The following DPYS variants were observed in gnomAD, a reference collection of about 807,000 sequenced individuals.
The protein encoded by DPYS is dihydropyrimidine amidohydrolase.
DPYS carries 39 observed loss-of-function variants against 50.3 expected under a neutral mutation model. That is an observed-to-expected ratio of 0.78 (90% CI 0.60 to 1.01). The LOEUF is 1.01. Ranked by LOEUF, DPYS falls within the 50% of genes least tolerant of loss-of-function variation. DPYS has a pLI of 0.00. For synonymous variants in DPYS, 245 were observed against 250.7 expected (o/e 0.98, Z 0.22); for missense variants, 659 against 680.9 (o/e 0.97, Z 0.36).
At chr8:104,399,306 A>AAC (rs1811703922) in intron 7 of DPYS, among the ~76,000 whole-genome samples, 1 of 38,674 alleles carries the variant, frequency 2.6e-5, no homozygotes. Context: ...AAAAAAAAAA[A>AAC]AAAACAACAA....
intron 7 of DPYS, among the ~76,000 whole-genome samples, chr8:104,415,253 G>A (rs1297552627): frequency 6.6e-6 from 1 of 152,122 alleles, no homozygotes; most frequent in African/African-American, 2.4e-5. Flanking sequence ...CAGGTGCTTA[G>A]TTAGGAAAGC....
intron 8 of DPYS, among the ~76,000 whole-genome samples, chr8:104,385,930 A>G (rs1288902957): frequency 6.6e-6 from 1 of 152,204 alleles, no homozygotes; most frequent in Non-Finnish European, 1.5e-5. Context: ...TTCATTATAA[A>G]TTAACCAGCC....
intron 4 of DPYS, among the ~76,000 whole-genome samples, chr8:104,438,765 T>G (rs1194090908): frequency 6.6e-6 from 1 of 152,162 alleles, no homozygotes; most frequent in East Asian, 1.9e-4. Flanking sequence ...TTAGGGCCTC[T>G]AAGTTTCTTC....
chr8:104,399,290 C>CAAAAAAAGAAAAAAA (rs1811700399), intron 7 of DPYS, among the ~76,000 whole-genome samples: 1 of 74,924 alleles, frequency 1.3e-5, no homozygotes, highest in Non-Finnish European at 2.3e-5. Context: ...GACTCCATCT[C>CAAAAAAAGAAAAAAA]AAAAAAAAAA....
chr8:104,427,939 G>A (rs753220233), intron 6 of DPYS, 41 bp downstream of exon 6: 1 of 1,613,226 alleles, frequency 6.2e-7, no homozygotes, highest in Admixed American at 1.7e-5. Context: ...GATCCTGGCT[G>A]AAGAACTAGG....
intron 7 of DPYS, among the ~76,000 whole-genome samples, chr8:104,403,124 C>T (rs1811876081): frequency 2.6e-5 from 4 of 152,192 alleles, no homozygotes; most frequent in Admixed American, 2.6e-4. Context: ...CCGTCCACCA[C>T]TGCTGTTTGC....
intron 1 of DPYS, among the ~76,000 whole-genome samples, chr8:104,457,464 G>C (rs1324884223): frequency 1.3e-5 from 2 of 152,158 alleles, no homozygotes; most frequent in Admixed American, 1.3e-4. Context: ...CAGGTAACTG[G>C]AGAAATTGAA....
intron 3 of DPYS, 138 bp downstream of exon 3, chr8:104,447,186 C>A: frequency 8.8e-7 from 1 of 1,141,446 alleles, no homozygotes; most frequent in Non-Finnish European, 1.3e-6. Flanking sequence ...AAATCCGTTT[C>A]CGAGCCACGG....
chr8:104,399,784 G>C (rs1811727103), intron 7 of DPYS, among the ~76,000 whole-genome samples: 2 of 147,706 alleles, frequency 1.4e-5, no homozygotes, highest in South Asian at 4.3e-4. Flanking sequence ...CAGGAGAATG[G>C]CGTGAACCTG....
At chr8:104,398,987 C>A (rs1811686115) in intron 7 of DPYS, among the ~76,000 whole-genome samples, 1 of 152,066 alleles carries the variant, frequency 6.6e-6, no homozygotes, top group South Asian at 2.1e-4. Context: ...GGGAGATAAT[C>A]TTGGAAGAAA....
At chr8:104,447,537 T>C (rs1043349795) in intron 2 of DPYS, 34 bp from the exon 3 acceptor site, 1 of 1,604,940 alleles carries the variant, frequency 6.2e-7, no homozygotes, top group African/African-American at 1.3e-5. Context: ...CAACAATATG[T>C]TACTCTAATT....
chr8:104,436,348 G>A (rs1813146062), intron 4 of DPYS, among the ~76,000 whole-genome samples: 1 of 152,170 alleles, frequency 6.6e-6, no homozygotes, highest in African/African-American at 2.4e-5. Flanking sequence ...AGTGGCTCAT[G>A]CCTATAATCC....
intron 8 of DPYS, among the ~76,000 whole-genome samples, chr8:104,386,536 A>C (rs2140507146): frequency 6.6e-6 from 1 of 151,888 alleles, no homozygotes; most frequent in East Asian, 1.9e-4. Context: ...CTTAAAAAAA[A>C]AAAAAGAAAA....
At chr8:104,412,594 C>T (rs1564090296) in intron 7 of DPYS, among the ~76,000 whole-genome samples, 6 of 152,124 alleles carry the variant, frequency 3.9e-5, no homozygotes, top group Admixed American at 3.9e-4. Context: ...TTCACTTCCT[C>T]CCCCATTCAT....
chr8:104,465,725 T>G (rs1814353341), intron 1 of DPYS, among the ~76,000 whole-genome samples: 1 of 152,200 alleles, frequency 6.6e-6, no homozygotes, highest in Non-Finnish European at 1.5e-5. Context: ...TTTATGAATT[T>G]GTGTTGGGCC....
chr8:104,444,207 G>C, intron 4 of DPYS, 41 bp downstream of exon 4: 2 of 1,609,424 alleles, frequency 1.2e-6, no homozygotes, highest in Non-Finnish European at 1.7e-6. Context: ...TTTCTCTTCA[G>C]CTAACACTGA....
At chr8:104,415,546 C>A (rs1307264299) in intron 7 of DPYS, among the ~76,000 whole-genome samples, 2 of 149,548 alleles carry the variant, frequency 1.3e-5, no homozygotes, top group Non-Finnish European at 3.0e-5. Context: ...CATATGTAAT[C>A]AACAATGTTA....
chr8:104,381,944 T>C (rs749630481), intron 8 of DPYS, among the ~76,000 whole-genome samples: 2 of 151,798 alleles, frequency 1.3e-5, no homozygotes, highest in South Asian at 2.1e-4. Context: ...AACTAATACA[T>C]TGTAGTGATC....
chr8:104,429,623 T>C lies in DPYS; in HGVS notation c.872A>G (p.His291Arg). The C allele has an allele frequency of 6.2e-7, 1 of 1,614,202 alleles. No individual in the cohort carries two copies. Among genetic ancestry groups the C allele is most frequent in the South Asian group, 1.1e-5 (1 of 91,092 alleles). ...GTHYWNKEWH[H>R]AAHHVMGPPL... is the part of the protein sequence containing the mutation. The stretch of plus-strand genomic sequence containing the variant: ...TGGACCCATGACATGGTGGGCTGCA[T>C]GGTGCCATTCTTTATTCCAGTAGTG... The change falls in exon 5 of 10, where the codon CAT (histidine) becomes CGT (arginine). Residue 291 changes from histidine to arginine, a missense_variant. By Grantham distance (29) the His-to-Arg change is conservative (BLOSUM62 0). Transcript: ENST00000351513.
Sources: allele counts gnomAD v4.1 joint callset (sites outside exome capture counted in the v4.1 genomes callset), GRCh38; gene constraint gnomAD v4.1.1; transcripts MANE v1.5; gene names NCBI Gene and HGNC (gene_info 2026-07-23, HGNC 2026-07-21).